The following KIAA1671 variants were observed in gnomAD, a reference collection of about 807,000 sequenced individuals.
The protein encoded by KIAA1671 is KIAA1671.
In KIAA1671, 52 loss-of-function variants were observed where a neutral mutation model predicts 131.2. That is an observed-to-expected ratio of 0.40 (90% CI 0.32 to 0.50). KIAA1671 has a LOEUF of 0.50. Ranked by LOEUF, KIAA1671 falls within the 20% of genes least tolerant of loss-of-function variation. The probability of loss-of-function intolerance (pLI) is 0.73; values close to 1 mark genes in which losing one functional copy is unlikely to be tolerated. For missense variants in KIAA1671, 2,360 were observed against 2,364.2 expected (o/e 1.00, Z 0.04); for synonymous variants, 1,003 against 961.6 (o/e 1.04, Z -0.80).
At chr22:25,001,205 G>A (rs62233173) in intron 1 of KIAA1671, among the ~76,000 whole-genome samples, 1 of 145,506 alleles carries the variant, frequency 6.9e-6, no homozygotes, top group Non-Finnish European at 1.5e-5. Context: ...GTGTGTATGT[G>A]TATGTATGTG....
At chr22:25,141,397 T>G (rs922589698) in intron 6 of KIAA1671, among the ~76,000 whole-genome samples, 5 of 132,850 alleles carry the variant, frequency 3.8e-5, no homozygotes, top group Admixed American at 7.2e-5. Flanking sequence ...CACACCTGGC[T>G]AATTTTTTGT....
In KIAA1671 at chr22:25,041,498, G is replaced by T. The variant is rs1281036272; in HGVS notation, c.4368G>T (p.Trp1456Cys). Residue 1456 changes from tryptophan to cysteine, a missense_variant, in exon 5 of 13, where the codon TGG becomes TGT. Around this residue, in one of 3 missense-constraint regions of KIAA1671, gnomAD observed 1,161 missense variants for 1,204.7 expected, o/e 0.96. Coordinates refer to ENST00000358431, the MANE Select transcript of KIAA1671 (RefSeq NM_001145206.2). ...AGGCCAAAATGGGACCCTGTTGGTG[G>T]GAGTCAGGGACTGGAGACAGTCACA... ...NLEAKMGPCW[W>C]ESGTGDSHKV... The T allele has an allele frequency of 6.5e-7, 1 of 1,549,078 alleles. No individual in the cohort carries two copies. Among genetic ancestry groups the T allele is most frequent in the East Asian group, 2.4e-5 (1 of 40,892 alleles).
intron 6 of KIAA1671, among the ~76,000 whole-genome samples, chr22:25,093,781 T>A: frequency 2.4e-5 from 3 of 123,346 alleles, no homozygotes; most frequent in Non-Finnish European, 3.5e-5. Flanking sequence ...TCTCTCTCTC[T>A]CTCTCTCTCT....
chr22:25,129,304 C>G (rs749295961), intron 6 of KIAA1671, among the ~76,000 whole-genome samples: 2 of 151,940 alleles, frequency 1.3e-5, no homozygotes, highest in Non-Finnish European at 2.9e-5. Context: ...GTCAAGAGTT[C>G]GAGACCAGCC....
intron 1 of KIAA1671, chr22:25,013,092 G>A (rs532690247): frequency 6.6e-6 from 1 of 152,324 alleles, no homozygotes; most frequent in South Asian, 2.1e-4. Context: ...TAGGGGGAGA[G>A]TCTCAGGCTT....
intron 6 of KIAA1671, among the ~76,000 whole-genome samples, chr22:25,134,671 C>T (rs1932594607): frequency 6.6e-6 from 1 of 152,118 alleles, no homozygotes; most frequent in African/African-American, 2.4e-5. Flanking sequence ...GAGTTGGAGG[C>T]AGCTCAGGAG....
chr22:25,055,921 A>G lies in KIAA1671; in HGVS notation c.4530+6557A>G, dbSNP rs1038715915. The G allele has an allele frequency of 1.4e-4, 21 of 149,712 alleles. 1 individual carries two copies. The highest frequency in any genetic ancestry group is 4.6e-4 in the African/African-American group (19 of 41,140). 9.3% of individuals were successfully genotyped at this position (149,712 alleles called of 1,614,324 possible). A position where few individuals can be genotyped will look rare whatever the true frequency, so the allele number is the denominator to read the frequency against. On this transcript the variant is annotated intron_variant, in intron 6 of 12. Transcript: ENST00000358431. Reference sequence around the variant, plus strand: ...TTGCCCAGGCTATAGTGCCGGTGGCATGATCTCGGCTCACTGCAACACCTC... The same window carrying G: ...TTGCCCAGGCTATAGTGCCGGTGGCGTGATCTCGGCTCACTGCAACACCTC...
intron 6 of KIAA1671, chr22:25,055,203 AT>A (rs1927772075): frequency 6.7e-6 from 1 of 149,828 alleles, no homozygotes; most frequent in Non-Finnish European, 1.5e-5. Flanking sequence ...GGGGAGGAAC[AT>A]TTGGATTCTG....
chr22:25,096,444 C>T (rs1930393422), intron 6 of KIAA1671, among the ~76,000 whole-genome samples: 1 of 152,180 alleles, frequency 6.6e-6, no homozygotes, highest in African/African-American at 2.4e-5. Context: ...TCACTCAAGA[C>T]ACACAAGATC....
At chr22:25,181,069 C>T (rs1251464342) in intron 9 of KIAA1671, among the ~76,000 whole-genome samples, 1 of 152,182 alleles carries the variant, frequency 6.6e-6, no homozygotes, top group African/African-American at 2.4e-5. Flanking sequence ...TTGCCTCTTT[C>T]ATCCCCGCCC....
chr22:25,181,250 G>T (rs1455697493), intron 9 of KIAA1671, among the ~76,000 whole-genome samples: 1 of 152,194 alleles, frequency 6.6e-6, no homozygotes, highest in Non-Finnish European at 1.5e-5. Context: ...AGGGGAGTTG[G>T]GGTCAAGGAA....
chr22:24,985,344 C>CT (rs370160170), intron 1 of KIAA1671, among the ~76,000 whole-genome samples: 85 of 145,400 alleles, frequency 5.8e-4, no homozygotes, highest in South Asian at 1.5e-3. Context: ...TTGTTTCTTT[C>CT]TTTTTTTTTT....
At chr22:24,961,831 G>A (rs1314184092) in intron 1 of KIAA1671, among the ~76,000 whole-genome samples, 1 of 152,246 alleles carries the variant, frequency 6.6e-6, no homozygotes, top group East Asian at 1.9e-4. Context: ...CCTTGCAGGA[G>A]TAGAGGGTCT....
chr22:25,003,958 C>CA lies in KIAA1671; in HGVS notation c.-207-21674dup, dbSNP rs999561719. Among the ~76,000 whole-genome samples the CA allele has an allele frequency of 3.6e-4, 54 of 151,748 alleles. 2 individuals carry two copies. The highest frequency in any genetic ancestry group is 1.3e-3 in the African/African-American group (53 of 41,370). ...TCAGCCTCCTGAGTAGCTGGGATTA[C>CA]AGGCGCGCGCCACCACACGCAGCTA... On this transcript the variant is annotated intron_variant, in intron 1 of 12. Transcript: ENST00000358431.
intron 1 of KIAA1671, among the ~76,000 whole-genome samples, chr22:24,990,311 G>A (rs556743587): frequency 3.9e-5 from 6 of 152,184 alleles, no homozygotes; most frequent in Admixed American, 2.0e-4. Context: ...TGCTGGTCTC[G>A]AACTCATGAC....
intron 6 of KIAA1671, among the ~76,000 whole-genome samples, chr22:25,132,099 A>G (rs993487165): frequency 1.1e-4 from 17 of 152,222 alleles, no homozygotes; most frequent in African/African-American, 3.9e-4. Context: ...AAACAGACAC[A>G]TTTGTCCCTT....
intron 6 of KIAA1671, among the ~76,000 whole-genome samples, chr22:25,116,674 G>C (rs1193291752): frequency 6.6e-6 from 1 of 152,036 alleles, no homozygotes; most frequent in Non-Finnish European, 1.5e-5. Context: ...ACCCACCTCA[G>C]CCTCCCAAAG....
intron 6 of KIAA1671, among the ~76,000 whole-genome samples, chr22:25,142,609 C>A (rs566037532): frequency 6.6e-6 from 1 of 152,306 alleles, no homozygotes; most frequent in African/African-American, 2.4e-5. Context: ...TGGTGGCTCA[C>A]GCCTGGAAAC....
At chr22:25,155,767 T>A (rs1035680738) in intron 6 of KIAA1671, among the ~76,000 whole-genome samples, 1 of 152,064 alleles carries the variant, frequency 6.6e-6, no homozygotes, top group Non-Finnish European at 1.5e-5. Context: ...TGTGTGTATT[T>A]GTATTTATGT....
Sources: gnomAD v4.1 joint callset for allele counts (sites outside exome capture counted in the v4.1 genomes callset) on GRCh38, gnomAD v4.1.1 for gene constraint, gnomAD v4.1.1 regional missense constraint, MANE v1.5 for transcripts, NCBI Gene and HGNC (gene_info 2026-07-23, HGNC 2026-07-21) for gene names.